Variants in ZNF385D observed in about 807,000 individuals in gnomAD.
ZNF385D encodes zinc finger protein 385D, also known as zinc finger protein 659.
In ZNF385D, 15 loss-of-function variants were observed where a neutral mutation model predicts 35.8. That is an observed-to-expected ratio of 0.42 (90% confidence interval 0.28 to 0.64). ZNF385D has a LOEUF of 0.64. ZNF385D is among the 30% of genes least tolerant of loss of function. The pLI, the probability that ZNF385D is intolerant of heterozygous loss-of-function variation, is 0.23. For missense variants in ZNF385D, 474 were observed against 494.6 expected (o/e 0.96, Z 0.39); for synonymous variants, 212 against 186.8 (o/e 1.13, Z -1.10).
intron 3 of ZNF385D, among the ~76,000 whole-genome samples, chr3:21,919,279 C>T (rs1575914643): frequency 6.6e-6 from 1 of 152,154 alleles, no homozygotes; most frequent in East Asian, 1.9e-4. Flanking sequence ...ATGTAAAATA[C>T]ATGTTGCCTG....
intron 3 of ZNF385D, among the ~76,000 whole-genome samples, chr3:21,807,981 G>C (rs78138494): frequency 0.078 from 11,901 of 152,126 alleles, 635 homozygotes; most frequent in South Asian, 0.13. Flanking sequence ...TTTTGTGTTA[G>C]CTCTAACCTC....
At chr3:21,536,087 ACTTT>A (rs1355803934) in intron 3 of ZNF385D, among the ~76,000 whole-genome samples, 2 of 141,940 alleles carry the variant, frequency 1.4e-5, no homozygotes, top group Non-Finnish European at 3.1e-5. Context: ...ATTATCCAAA[ACTTT>A]CTTAATGATT....
intron 3 of ZNF385D, among the ~76,000 whole-genome samples, chr3:22,059,727 C>T (rs567298453): frequency 6.6e-6 from 1 of 152,280 alleles, no homozygotes; most frequent in Admixed American, 6.5e-5. Flanking sequence ...TTGTTTGCTG[C>T]TGTATCCCCA....
intron 4 of ZNF385D, among the ~76,000 whole-genome samples, chr3:21,483,564 C>T (rs1704802788): frequency 2.0e-5 from 3 of 152,270 alleles, no homozygotes; most frequent in South Asian, 4.2e-4. Flanking sequence ...GCTCTACATC[C>T]TTATCAGAAC....
At chr3:21,742,016 A>C (rs371978903) in intron 1 of ZNF385D, among the ~76,000 whole-genome samples, 2 of 152,338 alleles carry the variant, frequency 1.3e-5, no homozygotes, top group South Asian at 2.1e-4. Context: ...CTCTGCTGGA[A>C]TGTTAAACTG....
chr3:22,024,341 A>G (rs1475951156), intron 3 of ZNF385D, among the ~76,000 whole-genome samples: 1 of 151,982 alleles, frequency 6.6e-6, no homozygotes, highest in Admixed American at 6.6e-5. Flanking sequence ...ATGATAGGAT[A>G]CCTATATATC....
chr3:22,027,727 T>A (rs951478637), intron 3 of ZNF385D, among the ~76,000 whole-genome samples: 1 of 152,100 alleles, frequency 6.6e-6, no homozygotes, highest in African/African-American at 2.4e-5. Flanking sequence ...ATAATTGGGC[T>A]CAAGCAGGTC....
intron 2 of ZNF385D, among the ~76,000 whole-genome samples, chr3:22,269,989 G>A (rs2125359704): frequency 6.6e-6 from 1 of 151,912 alleles, no homozygotes; most frequent in East Asian, 1.9e-4. Flanking sequence ...AGACTTTAAT[G>A]TACGTGTGAT....
At chr3:21,921,198 G>C (rs1310615403) in intron 3 of ZNF385D, among the ~76,000 whole-genome samples, 2 of 136,838 alleles carry the variant, frequency 1.5e-5, no homozygotes, top group Non-Finnish European at 3.1e-5. Context: ...ACTCCAGCCT[G>C]GGCGACAGAG....
At chr3:22,011,193 T>C (rs984009691) in intron 3 of ZNF385D, among the ~76,000 whole-genome samples, 1 of 152,046 alleles carries the variant, frequency 6.6e-6, no homozygotes, top group African/African-American at 2.4e-5. Flanking sequence ...TTCTAAAATA[T>C]GTATACGTAA....
intron 3 of ZNF385D, among the ~76,000 whole-genome samples, chr3:21,787,066 G>C (rs181082524): frequency 1.3e-3 from 191 of 152,280 alleles, no homozygotes; most frequent in South Asian, 7.9e-3. Context: ...AGTAATAAGA[G>C]AGCAAACAAT....
chr3:21,414,915 G>A lies in ZNF385D; in HGVS notation c.*6299C>T, dbSNP rs1426108323. Reference sequence around the variant, plus strand: ...TCCTTTTTCATCTCTACTAATGTTAGCATAACATCATAAGAGACATAAAGC... The same window carrying A: ...TCCTTTTTCATCTCTACTAATGTTAACATAACATCATAAGAGACATAAAGC... On this transcript the variant is annotated 3_prime_UTR_variant, in exon 8 of 8. Coordinates refer to ENST00000281523, the MANE Select transcript of ZNF385D (RefSeq NM_024697.3). 6.6e-6 allele frequency: 1 copy of A among 151,988 alleles called. No individual in the cohort carries two copies. The highest frequency in any genetic ancestry group is 2.4e-5 in the African/African-American group (1 of 41,364). 9.4% of individuals were successfully genotyped at this position (151,988 alleles called of 1,614,324 possible).
chr3:21,657,932 A>G (rs2066121205), intron 2 of ZNF385D, among the ~76,000 whole-genome samples: 1 of 152,042 alleles, frequency 6.6e-6, no homozygotes, highest in Admixed American at 6.6e-5. Context: ...AGCACTATAC[A>G]GGAATCATTT....
intron 3 of ZNF385D, among the ~76,000 whole-genome samples, chr3:21,845,997 G>C (rs191942718): frequency 1.3e-5 from 2 of 152,080 alleles, no homozygotes; most frequent in African/African-American, 4.8e-5. Context: ...TGAGACCTAC[G>C]CTACACTTCT....
chr3:22,277,247 A>C lies in ZNF385D; in HGVS notation c.106+95203T>G, dbSNP rs76179443. ...GCAGAGCTGTGGGTTCAACAAAGCC[A>C]GAGGAGAGTCAGAAATGAATATTCA... On this transcript the variant is annotated intron_variant, in intron 2 of 5. Transcript: ENST00000494108. Among the ~76,000 whole-genome samples, 10 of 152,276 alleles carry C rather than the reference A, an allele frequency of 6.6e-5. No individual in the cohort carries two copies. In the East Asian group the frequency reaches 1.9e-3, roughly 29 times the overall value.
intron 1 of ZNF385D, among the ~76,000 whole-genome samples, chr3:21,688,998 T>G (rs1362542457): frequency 6.6e-6 from 1 of 152,060 alleles, no homozygotes; most frequent in Admixed American, 6.6e-5. Flanking sequence ...ACATTCTCAG[T>G]GACAAAGTAA....
intron 3 of ZNF385D, among the ~76,000 whole-genome samples, chr3:22,058,031 A>C (rs766105148): frequency 6.6e-6 from 1 of 152,232 alleles, no homozygotes; most frequent in Non-Finnish European, 1.5e-5. Flanking sequence ...TGAATACATC[A>C]CAACCAAACT....
chr3:22,255,760 TGA>T (rs531103548), intron 2 of ZNF385D, among the ~76,000 whole-genome samples: 120 of 151,660 alleles, frequency 7.9e-4, no homozygotes, highest in African/African-American at 2.8e-3. Flanking sequence ...TTTATTCTCT[TGA>T]GAGTTTAAAT....
chr3:22,216,751 G>T (rs930327560), intron 2 of ZNF385D, among the ~76,000 whole-genome samples: 4 of 152,056 alleles, frequency 2.6e-5, no homozygotes, highest in African/African-American at 9.7e-5. Flanking sequence ...CCACACTTGC[G>T]AATTTCCTTT....
Sources: gnomAD v4.1 joint callset for allele counts (sites outside exome capture counted in the v4.1 genomes callset) on GRCh38, gnomAD v4.1.1 for gene constraint, MANE v1.5 for transcripts, NCBI Gene and HGNC (gene_info 2026-07-23, HGNC 2026-07-21) for gene names.